DMD: variants seen among roughly 807,000 people sequenced by gnomAD.
The protein encoded by DMD is dystrophin, also known as mutant dystrophin.
Under a neutral mutation model 330.1 loss-of-function variants are expected in DMD, and 63 were observed. The observed-to-expected ratio is 0.19, with a 90% CI of 0.16 to 0.24. The LOEUF is 0.24. Ranked by LOEUF, DMD falls within the 10% of genes least tolerant of loss-of-function variation. DMD has a pLI of 1.00. For synonymous variants in DMD, 1,223 were observed against 959.8 expected (o/e 1.27, Z -5.07); for missense variants, 3,344 against 2,684.1 (o/e 1.25, Z -5.43).
At chrX:32,222,011 C>T (rs990186194) in intron 43 of DMD, among the ~76,000 whole-genome samples, 2 of 111,790 alleles carry the variant, frequency 1.8e-5, no homozygotes, top group Non-Finnish European at 3.8e-5. Flanking sequence ...TAGGATGGTT[C>T]CATATCTTTG....
At chrX:33,243,355 CCAGT>C (rs2052617915) in intron 1 of DMD, among the ~76,000 whole-genome samples, 1 of 111,410 alleles carries the variant, frequency 9.0e-6, no homozygotes, top group Non-Finnish European at 1.9e-5. Context: ...ATTTTTTACA[CCAGT>C]CAAAATGGCT....
At chrX:31,227,924 G>C (rs1363860766) in intron 63 of DMD, among the ~76,000 whole-genome samples, 4 of 109,756 alleles carry the variant, frequency 3.6e-5, no homozygotes, top group African/African-American at 1.3e-4. Flanking sequence ...ATACTATGCA[G>C]CCATAAAAAA....
At chrX:32,476,390 G>A (rs1226199675) in intron 21 of DMD, among the ~76,000 whole-genome samples, 1 of 110,828 alleles carries the variant, frequency 9.0e-6, no homozygotes, top group Non-Finnish European at 1.9e-5. Context: ...TTTGAAACTG[G>A]TCATTTCAAA....
intron 60 of DMD, among the ~76,000 whole-genome samples, chrX:31,413,746 A>C (rs1444521048): frequency 9.0e-6 from 1 of 111,250 alleles, no homozygotes; most frequent in Admixed American, 9.6e-5. Flanking sequence ...ATTTCTCTCC[A>C]TGTATAATTC....
rs2058527639 is a variant in DMD, at chrX:31,353,553, T to C, written c.9085-4919A>G. Among the ~76,000 whole-genome samples the C allele has an allele frequency of 4.5e-5, 5 of 112,125 alleles. No homozygotes were observed. In the South Asian group the frequency reaches 1.9e-3, roughly 42 times the overall value. ...TATCCAATTTGGTGTTGGAGATTAA[T>C]ATCTGAAGAAGCAAATAAACTCTTG... On this transcript the variant is annotated intron_variant, in intron 60 of 78. Transcript: ENST00000357033.
At chrX:32,267,242 C>G (rs2097348253) in intron 43 of DMD, among the ~76,000 whole-genome samples, 1 of 112,265 alleles carries the variant, frequency 8.9e-6, no homozygotes, top group African/African-American at 3.2e-5. Context: ...GTTCATGTCT[C>G]TCTTAAACTT....
At chrX:31,470,149 C>G (rs973566651) in intron 59 of DMD, among the ~76,000 whole-genome samples, 1 of 110,935 alleles carries the variant, frequency 9.0e-6, no homozygotes, top group South Asian at 3.8e-4. Flanking sequence ...TTTGTTATTA[C>G]CCACCTTCTG....
At chrX:32,051,599 GA>G (rs763694398) in intron 44 of DMD, among the ~76,000 whole-genome samples, 2 of 109,235 alleles carry the variant, frequency 1.8e-5, no homozygotes, top group African/African-American at 6.7e-5. Flanking sequence ...TGAATATGTA[GA>G]AAATCAGTTC....
chrX:32,414,144 C>T (rs1268761017), intron 29 of DMD, among the ~76,000 whole-genome samples: 1 of 111,378 alleles, frequency 9.0e-6, no homozygotes, highest in African/African-American at 3.3e-5. Context: ...CACTGTGGCC[C>T]TCTTGATTCT....
At chrX:32,827,065 C>CACCCA (rs1557061629) in intron 4 of DMD, among the ~76,000 whole-genome samples, 2 of 68,986 alleles carry the variant, frequency 2.9e-5, no homozygotes, top group African/African-American at 6.5e-5. Context: ...CACCCCCCCC[C>CACCCA]CACACACACA....
intron 55 of DMD, among the ~76,000 whole-genome samples, chrX:31,591,818 C>T (rs763114728): frequency 2.7e-5 from 3 of 110,905 alleles, no homozygotes; most frequent in African/African-American, 6.5e-5. Flanking sequence ...AAGTTAAGAG[C>T]AAAGTAGACT....
In DMD at chrX:31,879,194, C is replaced by T. The variant is rs181536674; in HGVS notation, c.6913-3821G>A. On this transcript the variant is annotated intron_variant, in intron 47 of 78. Coordinates refer to ENST00000357033, the MANE Select transcript of DMD (RefSeq NM_004006.3). ...ATAAAGGAAAGAGGTTTAATGGACT[C>T]ACCATTCTACATGGCGGGGGGGGGC... Among the ~76,000 whole-genome samples the T allele has an allele frequency of 4.1e-3, 277 of 66,752 alleles. 1 individual carries two copies. The highest frequency in any genetic ancestry group is 0.016 in the African/African-American group (270 of 16,442). The allele number at this position is 66,752 out of a possible 115,157, so 58.0% of individuals were successfully genotyped here. A position where few individuals can be genotyped will look rare whatever the true frequency, so the allele number is the denominator to read the frequency against.
chrX:32,457,193 G>A (rs1486403655), intron 25 of DMD, among the ~76,000 whole-genome samples: 1 of 110,139 alleles, frequency 9.1e-6, no homozygotes, highest in Non-Finnish European at 1.9e-5. Context: ...TGATGACACA[G>A]AAGCCAACTG....
At chrX:32,495,429 C>G (rs1301486778) in intron 19 of DMD, among the ~76,000 whole-genome samples, 1 of 111,777 alleles carries the variant, frequency 8.9e-6, no homozygotes, top group African/African-American at 3.3e-5. Context: ...CACACAATCT[C>G]TCTTGTATCA....
At chrX:31,232,057 G>A (rs1260014396) in intron 63 of DMD, among the ~76,000 whole-genome samples, 1 of 80,069 alleles carries the variant, frequency 1.2e-5, no homozygotes, top group East Asian at 4.5e-4. Context: ...TAAGAACACA[G>A]CAGCGTAATA....
At chrX:32,565,589 C>A in intron 16 of DMD, 113 bp downstream of exon 16, 2 of 772,340 alleles carry the variant, frequency 2.6e-6, no homozygotes, top group South Asian at 4.8e-5. Flanking sequence ...TAACTAAACA[C>A]AGGGCAAAAA....
At chrX:31,444,441 T>C in intron 60 of DMD, 40 bp downstream of exon 60, 2 of 1,201,819 alleles carry the variant, frequency 1.7e-6, no homozygotes, top group Non-Finnish European at 2.3e-6. Flanking sequence ...GTATATTATT[T>C]TACTGTAACA....
intron 63 of DMD, among the ~76,000 whole-genome samples, chrX:31,226,829 C>G (rs2046643827): frequency 9.0e-6 from 1 of 111,667 alleles, no homozygotes; most frequent in East Asian, 2.8e-4. Context: ...CCCTTTGACT[C>G]TTTATAAAAA....
rs1211161847 is a variant in DMD, at chrX:31,173,752, A to G, written c.10263-148T>C. 9 of 412,138 alleles carry G rather than the reference A, an allele frequency of 2.2e-5. 1 individual carries two copies. Among genetic ancestry groups the G allele is most frequent in the Non-Finnish European group, 3.3e-5 (8 of 240,718 alleles). 34.0% of individuals were successfully genotyped at this position (412,138 alleles called of 1,213,427 possible). ...ACATTTAGTTGCTCCTATATCTTAA[A>G]TATTATCAAGTATTTTAAAATCCAG... On this transcript the variant is annotated intron_variant, in intron 71 of 78. Coordinates refer to ENST00000357033, the MANE Select transcript of DMD (RefSeq NM_004006.3).
Sources: gnomAD v4.1 joint callset for allele counts (sites outside exome capture counted in the v4.1 genomes callset) on GRCh38, gnomAD v4.1.1 for gene constraint, MANE v1.5 for transcripts, NCBI Gene and HGNC (gene_info 2026-07-23, HGNC 2026-07-21) for gene names.